CNTNAP2: variants seen among roughly 807,000 people sequenced by gnomAD.
CNTNAP2 encodes the protein contactin-associated protein-like 2.
A neutral mutation model predicts 155.2 loss-of-function variants in CNTNAP2; 98 were observed. The ratio of observed to expected loss-of-function variants is 0.63; its 90% confidence interval spans 0.54 to 0.75. CNTNAP2 has a LOEUF of 0.75. CNTNAP2 is among the 30% of genes least tolerant of loss of function. The pLI, the probability that CNTNAP2 is intolerant of heterozygous loss-of-function variation, is 0.00. For synonymous variants in CNTNAP2, 651 were observed against 631.2 expected (o/e 1.03, Z -0.47); for missense variants, 1,727 against 1,688.1 (o/e 1.02, Z -0.40).
At chr7:148,203,931 A>T (rs1795407000) in intron 18 of CNTNAP2, among the ~76,000 whole-genome samples, 1 of 152,196 alleles carries the variant, frequency 6.6e-6, no homozygotes, top group Non-Finnish European at 1.5e-5. Context: ...ATACCATCAT[A>T]AACAGCATTC....
chr7:147,905,981 T>C (rs184919257), intron 14 of CNTNAP2, among the ~76,000 whole-genome samples: 61 of 151,376 alleles, frequency 4.0e-4, no homozygotes, highest in African/African-American at 1.3e-3. Flanking sequence ...CCATAACGTC[T>C]TGGAGGAAGA....
At chr7:146,664,946 T>TTTTTG (rs933348716) in intron 1 of CNTNAP2, among the ~76,000 whole-genome samples, 10 of 152,158 alleles carry the variant, frequency 6.6e-5, no homozygotes, top group South Asian at 4.1e-4. Context: ...CTTGTTATCC[T>TTTTTG]TTTTGTTTTG....
rs757977085 is a variant in CNTNAP2, at chr7:147,044,026, C to G, written c.522C>G (p.Leu174=). ...GGAATGGAGAAGGTCGCATTGGACT[C>G]AGAATTGAAGTTTATGGCTGTTCTT... ...LDWNGEGRIG[L]RIEVYGCSYW... Residue 174 remains leucine (L), a synonymous_variant, in exon 4 of 24, where the codon CTC becomes CTG. Transcript: ENST00000361727. 6.2e-7 allele frequency: 1 copy of G among 1,614,144 alleles called. No individual in the cohort carries two copies. The highest frequency in any genetic ancestry group is 8.5e-7 in the Non-Finnish European group (1 of 1,180,008).
At chr7:146,856,317 C>T (rs962696054) in intron 3 of CNTNAP2, among the ~76,000 whole-genome samples, 3 of 151,074 alleles carry the variant, frequency 2.0e-5, no homozygotes, top group South Asian at 2.1e-4. Flanking sequence ...TACATACATA[C>T]ATACATACAT....
intron 21 of CNTNAP2, among the ~76,000 whole-genome samples, chr7:148,335,506 AAG>A (rs1798101617): frequency 6.6e-6 from 1 of 152,218 alleles, no homozygotes; most frequent in Admixed American, 6.5e-5. Context: ...TAGCAGAGAC[AAG>A]AGACTCCCAG....
intron 4 of CNTNAP2, among the ~76,000 whole-genome samples, chr7:147,100,707 C>T (rs898622545): frequency 6.6e-6 from 1 of 152,170 alleles, no homozygotes; most frequent in Non-Finnish European, 1.5e-5. Context: ...ACTGCACGGT[C>T]ACAGGCATAG....
At chr7:148,048,494 A>G (rs779131655) in intron 15 of CNTNAP2, among the ~76,000 whole-genome samples, 7 of 152,106 alleles carry the variant, frequency 4.6e-5, no homozygotes, top group Non-Finnish European at 7.4e-5. Flanking sequence ...ATCCAGTCCA[A>G]TGGCAGGGAG....
chr7:147,011,834 A>G (rs1283331793), intron 3 of CNTNAP2, among the ~76,000 whole-genome samples: 2 of 152,218 alleles, frequency 1.3e-5, no homozygotes, highest in African/African-American at 2.4e-5. Context: ...CAGCCATTCC[A>G]GAAAGTGTCC....
chr7:146,598,784 T>C (rs1336021076), intron 1 of CNTNAP2, among the ~76,000 whole-genome samples: 1 of 147,834 alleles, frequency 6.8e-6, no homozygotes, highest in African/African-American at 2.7e-5. Context: ...GCTCTAAATA[T>C]TATTTATATT....
intron 1 of CNTNAP2, among the ~76,000 whole-genome samples, chr7:146,143,394 C>T (rs546687397): frequency 1.3e-5 from 2 of 152,152 alleles, no homozygotes; most frequent in South Asian, 4.1e-4. Context: ...TTTTAGTTTT[C>T]CATGAATAAG....
At chr7:146,947,576 C>CATAT (rs748336820) in intron 3 of CNTNAP2, among the ~76,000 whole-genome samples, 2 of 96,870 alleles carry the variant, frequency 2.1e-5, no homozygotes, top group African/African-American at 8.3e-5. Context: ...TATATATATA[C>CATAT]ATATATATAT....
chr7:147,108,161 A>T lies in CNTNAP2; in HGVS notation c.565A>T (p.Asn189Tyr). ...YGCSYWADVI[N>Y]FDGHVVLPYR... ...TTTTGTTTTAGGGGCTGATGTTATC[A>T]ACTTTGATGGCCATGTTGTATTACC... is the stretch of plus-strand genomic sequence containing the variant. The change falls in exon 5 of 24, where the codon AAC (asparagine) becomes TAC (tyrosine). Residue 189 changes from asparagine to tyrosine, a missense_variant. Asn to Tyr is a moderately radical substitution (Grantham distance 143, BLOSUM62 -2). Coordinates refer to ENST00000361727, the MANE Select transcript of CNTNAP2 (RefSeq NM_014141.6). 1 of 1,613,404 alleles carries T rather than the reference A, an allele frequency of 6.2e-7. No homozygotes were observed. Among genetic ancestry groups the T allele is most frequent in the Non-Finnish European group, 8.5e-7 (1 of 1,179,714 alleles).
intron 3 of CNTNAP2, among the ~76,000 whole-genome samples, chr7:146,888,053 T>A (rs17483333): frequency 0.27 from 41,231 of 151,954 alleles, 6,531 homozygotes; most frequent in Admixed American, 0.41. Flanking sequence ...AGCCAATGAA[T>A]TAATCTATCA....
At position 148,358,760 on chromosome 7, in the gene CNTNAP2, C is replaced by T. The variant is rs1292178407; in HGVS notation, c.3476-24889C>T. ...GTTAAAGTATTTAACTTCTCCAGGCCTGTTTCCTCTGTAAAATGAGAAAGA... is the reference window on the plus strand; with the variant it reads ...GTTAAAGTATTTAACTTCTCCAGGCTTGTTTCCTCTGTAAAATGAGAAAGA... On this transcript the variant is annotated intron_variant, in intron 21 of 23. Transcript: ENST00000361727. Among the ~76,000 whole-genome samples, 4 of 152,324 alleles carry T rather than the reference C, an allele frequency of 2.6e-5. No individual in the cohort carries two copies. The East Asian group carries it at 5.8e-4, about 22-fold the overall frequency.
intron 21 of CNTNAP2, among the ~76,000 whole-genome samples, chr7:148,326,782 G>A (rs4726954): frequency 0.056 from 8,542 of 151,542 alleles, 425 homozygotes; most frequent in South Asian, 0.14. Flanking sequence ...GGAGAATGGC[G>A]TGAATCAGGG....
At chr7:147,464,337 C>T (rs2116594188) in intron 10 of CNTNAP2, among the ~76,000 whole-genome samples, 1 of 152,046 alleles carries the variant, frequency 6.6e-6, no homozygotes, top group Middle Eastern at 3.4e-3. Context: ...CCTGGTGACG[C>T]ATGCCTGTAT....
At chr7:148,317,822 T>G (rs1250369415) in intron 21 of CNTNAP2, among the ~76,000 whole-genome samples, 1 of 152,136 alleles carries the variant, frequency 6.6e-6, no homozygotes, top group Non-Finnish European at 1.5e-5. Flanking sequence ...TGCCTCAGCC[T>G]CCTGAGTAGC....
At chr7:147,678,855 G>A (rs1278643744) in intron 13 of CNTNAP2, among the ~76,000 whole-genome samples, 2 of 151,794 alleles carry the variant, frequency 1.3e-5, no homozygotes, top group Non-Finnish European at 2.9e-5. Flanking sequence ...GTGAATCTGA[G>A]GAAAAAGCTA....
At chr7:148,038,052 T>C (rs1214266958) in intron 15 of CNTNAP2, among the ~76,000 whole-genome samples, 1 of 152,210 alleles carries the variant, frequency 6.6e-6, no homozygotes, top group Non-Finnish European at 1.5e-5. Flanking sequence ...CAGTATGTAA[T>C]TAGGAAAAGA....
Sources: allele counts gnomAD v4.1 joint callset (sites outside exome capture counted in the v4.1 genomes callset), GRCh38; gene constraint gnomAD v4.1.1; transcripts MANE v1.5; gene names NCBI Gene and HGNC (gene_info 2026-07-23, HGNC 2026-07-21).